TRAK1: variants seen among roughly 807,000 people sequenced by gnomAD.
TRAK1 encodes trafficking kinesin-binding protein 1.
In TRAK1, 33 loss-of-function variants were observed where a neutral mutation model predicts 92.1. That is an observed-to-expected ratio of 0.36 (90% CI 0.27 to 0.48). TRAK1 has a LOEUF of 0.48. Ranked by LOEUF, TRAK1 falls within the 20% of genes least tolerant of loss-of-function variation. TRAK1 has a pLI of 0.99. For synonymous variants in TRAK1, 521 were observed against 517.3 expected (o/e 1.01, Z -0.10); for missense variants, 1,123 against 1,257.9 (o/e 0.89, Z 1.62).
At chr3:42,217,938 G>C in intron 14 of TRAK1, 1 of 985,134 alleles carries the variant, frequency 1.0e-6, no homozygotes. Flanking sequence ...ATTCATAAAG[G>C]CTATTTTTAT....
chr3:42,091,679 A>T (rs1323632737), intron 1 of TRAK1, 119 bp downstream of exon 1: 1 of 948,964 alleles, frequency 1.1e-6, no homozygotes. Context: ...GAGGTTGTTC[A>T]TGGTCATGTG....
rs139943803 is a variant in TRAK1, at chr3:42,161,971, A to G, written c.287-14843A>G. 2.1e-3 allele frequency among the ~76,000 whole-genome samples: 323 copies of G among 152,324 alleles called. 3 individuals are homozygous for G. Among genetic ancestry groups the G allele is most frequent in the African/African-American group, 7.4e-3 (309 of 41,576 alleles). ...TGCCCCTTTAATCTCTGCTGCTTCA[A>G]GTGCAGCCAGTGCCCTCATCACCTG... On this transcript the variant is annotated intron_variant, in intron 2 of 15. Transcript: ENST00000327628.
rs563175685 is a variant in TRAK1 at position 42,110,025 on chromosome 3, C to T, written c.92-15395C>T. Among the ~76,000 whole-genome samples the T allele has an allele frequency of 2.1e-4, 29 of 140,802 alleles. No homozygotes were observed. In the East Asian group the frequency reaches 2.7e-3, roughly 13 times the overall value. The allele number at this position is 140,802 out of a possible 152,430, so 92.4% of individuals were successfully genotyped here. A position where few individuals can be genotyped will look rare whatever the true frequency, so the allele number is the denominator to read the frequency against. The stretch of plus-strand genomic sequence containing the variant: ...AAATGATGAGTTAATGGGTGCAGCA[C>T]ACCAACATGGCACATGTATACATAT... On this transcript the variant is annotated intron_variant, in intron 1 of 15. Transcript: ENST00000327628.
intron 1 of TRAK1, among the ~76,000 whole-genome samples, chr3:42,113,750 C>T (rs999247917): frequency 2.6e-5 from 4 of 151,748 alleles, no homozygotes; most frequent in Non-Finnish European, 4.4e-5. Context: ...GACGGGATCT[C>T]ACTATGTTGC....
At chr3:42,210,296 TAC>T (rs767164742) in intron 14 of TRAK1, 2 of 1,513,036 alleles carry the variant, frequency 1.3e-6, no homozygotes, top group East Asian at 2.3e-5. Context: ...TGTTTTTAAA[TAC>T]AGAGTCTGAT....
intron 1 of TRAK1, among the ~76,000 whole-genome samples, chr3:42,096,571 A>G (rs1274841538): frequency 2.0e-5 from 3 of 152,252 alleles, no homozygotes; most frequent in Admixed American, 6.5e-5. Flanking sequence ...TAATTTTAAA[A>G]GAATCAGTAT....
chr3:42,024,439 T>A (rs2148884308), intron 1 of TRAK1, among the ~76,000 whole-genome samples: 1 of 152,352 alleles, frequency 6.6e-6, no homozygotes, highest in East Asian at 1.9e-4. Context: ...ATAAAAGTAT[T>A]TATGATAGTC....
chr3:42,182,356 G>C (rs1704138915), intron 3 of TRAK1, among the ~76,000 whole-genome samples: 1 of 150,926 alleles, frequency 6.6e-6, no homozygotes, highest in Non-Finnish European at 1.5e-5. Flanking sequence ...TCAGGCTGTA[G>C]TGCAGTGGGG....
rs555538624 is a variant in TRAK1, at chr3:42,137,653, G to T, written c.286+12039G>T. ...GGGAAAGCAGTAACGTATGCTATTTGTGGAGTTTAGCTAGAATTGATAGAT... is the reference window on the plus strand; with the variant it reads ...GGGAAAGCAGTAACGTATGCTATTTTTGGAGTTTAGCTAGAATTGATAGAT... On this transcript the variant is annotated intron_variant, in intron 2 of 15. Coordinates refer to ENST00000327628, the MANE Select transcript of TRAK1 (RefSeq NM_001042646.3). Among the ~76,000 whole-genome samples, 5 of 152,294 alleles carry T rather than the reference G, an allele frequency of 3.3e-5. No homozygotes were observed. In the South Asian group the frequency reaches 1.0e-3, roughly 32 times the overall value.
chr3:42,178,430 C>G (rs536671161), intron 3 of TRAK1, among the ~76,000 whole-genome samples: 1 of 152,244 alleles, frequency 6.6e-6, no homozygotes, highest in African/African-American at 2.4e-5. Flanking sequence ...CCTTGGCCTT[C>G]TATGGCATTT....
At chr3:42,048,401 T>TA (rs1258407901) in intron 1 of TRAK1, among the ~76,000 whole-genome samples, 1 of 152,196 alleles carries the variant, frequency 6.6e-6, no homozygotes, top group East Asian at 1.9e-4. Context: ...TATGTGGTTT[T>TA]AAAAAAGGCA....
At position 42,132,998 on chromosome 3, in the gene TRAK1, C is replaced by G. The variant is rs76681320; in HGVS notation, c.286+7384C>G. Among the ~76,000 whole-genome samples, 30 of 152,272 alleles carry G rather than the reference C, an allele frequency of 2.0e-4. No homozygotes were observed. In the East Asian group the frequency reaches 5.8e-3, roughly 29 times the overall value. On this transcript the variant is annotated intron_variant, in intron 2 of 15. Coordinates refer to ENST00000327628, the MANE Select transcript of TRAK1 (RefSeq NM_001042646.3). ...TGTTAATTCTTCCTCCAGATATATC[C>G]CAGACCCGTTCTCTGACCTGGCTGC...
chr3:42,044,148 A>C (rs1378066034), intron 1 of TRAK1, among the ~76,000 whole-genome samples: 1 of 151,948 alleles, frequency 6.6e-6, no homozygotes. Context: ...TTTCATCCCC[A>C]TCTGCTTTTC....
chr3:42,182,545 G>T (rs1301688374), intron 3 of TRAK1, among the ~76,000 whole-genome samples: 3 of 152,152 alleles, frequency 2.0e-5, no homozygotes, highest in African/African-American at 7.2e-5. Context: ...CCAAAGTGCC[G>T]GGATTACGGG....
intron 1 of TRAK1, among the ~76,000 whole-genome samples, chr3:42,121,494 C>T (rs1031452503): frequency 2.6e-5 from 4 of 152,198 alleles, no homozygotes; most frequent in East Asian, 1.9e-4. Flanking sequence ...CTCCTGACCT[C>T]GTGATCCGCC....
intron 1 of TRAK1, among the ~76,000 whole-genome samples, chr3:42,071,663 G>A (rs1052685797): frequency 4.0e-5 from 6 of 150,480 alleles, no homozygotes; most frequent in African/African-American, 7.4e-5. Context: ...AGCTGAGATC[G>A]CACTATTGCA....
intron 2 of TRAK1, among the ~76,000 whole-genome samples, chr3:42,150,749 G>A (rs1699862352): frequency 6.6e-6 from 1 of 152,186 alleles, no homozygotes; most frequent in Admixed American, 6.5e-5. Context: ...TAAATGTGTG[G>A]AAAAACTATG....
intron 1 of TRAK1, among the ~76,000 whole-genome samples, chr3:42,110,112 A>ATATATATATATATATATATATT (rs1708176203): frequency 7.5e-6 from 1 of 133,730 alleles, no homozygotes; most frequent in Non-Finnish European, 1.6e-5. Flanking sequence ...ATATATATAT[A>ATATATATATATATATATATATT]TATATATATA....
At chr3:42,221,232 G>A (rs1710316742) in intron 15 of TRAK1, among the ~76,000 whole-genome samples, 1 of 152,092 alleles carries the variant, frequency 6.6e-6, no homozygotes, top group Non-Finnish European at 1.5e-5. Context: ...CCTTTACTGA[G>A]GGTACATCAA....
Sources: gnomAD v4.1 joint callset for allele counts (sites outside exome capture counted in the v4.1 genomes callset) on GRCh38, gnomAD v4.1.1 for gene constraint, MANE v1.5 for transcripts, NCBI Gene and HGNC (gene_info 2026-07-23, HGNC 2026-07-21) for gene names.